Variants in SLC36A4 observed in about 807,000 individuals in gnomAD.
The protein encoded by SLC36A4 is neutral amino acid uniporter 4.
A neutral mutation model predicts 50.5 loss-of-function variants in SLC36A4; 49 were observed. The ratio of observed to expected loss-of-function variants is 0.97; its 90% CI spans 0.77 to 1.23. The LOEUF is 1.23. Among genes scored for constraint, SLC36A4 ranks in the 50% most tolerant of loss-of-function variants. The pLI, the probability that SLC36A4 is intolerant of heterozygous loss-of-function variation, is 0.00. For synonymous variants in SLC36A4, 207 were observed against 206.5 expected, an observed-to-expected ratio of 1.00 and a Z score of -0.02; for missense variants, 611 against 608.4, an observed-to-expected ratio of 1.00 and a Z score of -0.05.
rs79776516 is a variant in SLC36A4 at position 93,156,166 on chromosome 11, T to C, written c.1038-1889A>G. On this transcript the variant is annotated intron_variant, in intron 9 of 10. Coordinates refer to ENST00000326402, the MANE Select transcript of SLC36A4 (RefSeq NM_152313.4). ...GGCATCGCCACACTGTCTTCCACAA[T>C]GTCTTGAACTAACTTATACTCCCAT... is the stretch of plus-strand genomic sequence containing the variant. 5.5e-3 allele frequency among the ~76,000 whole-genome samples: 839 copies of C among 152,340 alleles called. 5 individuals are homozygous for C. The highest frequency in any genetic ancestry group is 6.6e-3 in the Non-Finnish European group (452 of 68,026).
chr11:93,173,268 C>G (rs1238983722), intron 6 of SLC36A4, among the ~76,000 whole-genome samples: 1 of 150,416 alleles, frequency 6.6e-6, no homozygotes, highest in Non-Finnish European at 1.5e-5. Flanking sequence ...CCGTTCATGT[C>G]CTTCGCCCAC....
rs1175758936 is a variant in SLC36A4 at position 93,175,414 on chromosome 11, A to AT, written c.540+5382dup. Among the ~76,000 whole-genome samples, 8 of 150,002 alleles carry AT rather than the reference A, an allele frequency of 5.3e-5. 1 individual carries two copies. Among genetic ancestry groups the AT allele is most frequent in the African/African-American group, 2.0e-4 (8 of 40,952 alleles). On this transcript the variant is annotated intron_variant, in intron 6 of 10. Coordinates refer to ENST00000326402, the MANE Select transcript of SLC36A4 (RefSeq NM_152313.4). Reference sequence around the variant, plus strand: ...AAAAAACCAGCTCCTGGATTCATTGATTTTTTGAAGGGTTTTTTGTGTCTC... The same window carrying AT: ...AAAAAACCAGCTCCTGGATTCATTGATTTTTTTGAAGGGTTTTTTGTGTCTC...
intron 10 of SLC36A4, 65 bp from the exon 11 acceptor site, chr11:93,148,909 G>T: frequency 7.2e-7 from 1 of 1,381,588 alleles, no homozygotes; most frequent in Non-Finnish European, 1.0e-6. Context: ...AATATTAACA[G>T]TAAGTATTTT....
Position 93,182,834 on chromosome 11 carries a change from C to T in SLC36A4, c.331G>A (p.Val111Ile), listed in dbSNP as rs750667860. 5 of 1,612,276 alleles carry T rather than the reference C, an allele frequency of 3.1e-6. No individual in the cohort carries two copies. Among genetic ancestry groups the T allele is most frequent in the Admixed American group, 1.7e-5 (1 of 59,772 alleles). The change falls in exon 4 of 11, where the codon GTA (valine) becomes ATA (isoleucine). Residue 111 changes from valine to isoleucine, a missense_variant. Coordinates refer to ENST00000326402, the MANE Select transcript of SLC36A4 (RefSeq NM_152313.4). ...AGACATAGAAAGTGACTGCAACGTA[C>T]CAATATGTGCATACAGTGAACAGAA... ...IISVHCMHIL[V>I]RCSHFLCLRF...
chr11:93,166,422 T>A, intron 7 of SLC36A4: 2 of 990,976 alleles, frequency 2.0e-6, no homozygotes, highest in Non-Finnish European at 2.4e-6. Flanking sequence ...TCCACTCTAT[T>A]TTTATTGCTC....
At chr11:93,178,176 G>A (rs763581004) in intron 6 of SLC36A4, among the ~76,000 whole-genome samples, 86 of 152,168 alleles carry the variant, frequency 5.7e-4, no homozygotes, top group Non-Finnish European at 8.4e-4. Flanking sequence ...GCGAGGCTTT[G>A]TTGGCGTGGG....
Position 93,154,195 on chromosome 11 carries a change from T to C in SLC36A4, c.1120A>G (p.Ile374Val), listed in dbSNP as rs759718601. ...AATTTGGATGTGATCCCAGGGATAA[T>C]GATCTCTGCTGGAACATAGAACTGA... ...SIQFYVPAEIIIPGITSKFHT... is the reference protein window; with the variant it reads ...SIQFYVPAEIVIPGITSKFHT... Residue 374 changes from isoleucine to valine, a missense_variant, in exon 10 of 11, where the codon ATT becomes GTT. Ile to Val is a conservative substitution (Grantham distance 29). Transcript: ENST00000326402. 2 of 1,564,972 alleles carry C rather than the reference T, an allele frequency of 1.3e-6. No individual in the cohort carries two copies. Among genetic ancestry groups the C allele is most frequent in the Non-Finnish European group, 8.6e-7 (1 of 1,159,210 alleles).
At position 93,147,718 on chromosome 11, in the gene SLC36A4, A is replaced by G. The variant is rs1859893432; in HGVS notation, c.*819T>C. The G allele has an allele frequency of 6.6e-6, 1 of 152,120 alleles. No individual in the cohort carries two copies. The highest frequency in any genetic ancestry group is 6.6e-5 in the Admixed American group (1 of 15,254). 9.4% of individuals were successfully genotyped at this position (152,120 alleles called of 1,614,324 possible). On this transcript the variant is annotated 3_prime_UTR_variant, in exon 11 of 11. Coordinates refer to ENST00000326402, the MANE Select transcript of SLC36A4 (RefSeq NM_152313.4). ...ACATAATTTATTCTTTTTCTTGGACATGATGTGAGAAATAAAACATCCTGG... is the reference window on the plus strand; with the variant it reads ...ACATAATTTATTCTTTTTCTTGGACGTGATGTGAGAAATAAAACATCCTGG...
chr11:93,145,878 T>C lies in SLC36A4; in HGVS notation c.*2659A>G. On this transcript the variant is annotated 3_prime_UTR_variant, in exon 11 of 11. Coordinates refer to ENST00000326402, the MANE Select transcript of SLC36A4 (RefSeq NM_152313.4). Reference sequence around the variant, plus strand: ...TTTACGACTTATTAAAGCTAAATTTTCAGAGAAAAAATTACCCACTGGTTA... The same window carrying C: ...TTTACGACTTATTAAAGCTAAATTTCCAGAGAAAAAATTACCCACTGGTTA... 1 of 152,092 alleles carries C rather than the reference T, an allele frequency of 6.6e-6. No homozygotes were observed. The highest frequency in any genetic ancestry group is 1.5e-5 in the Non-Finnish European group (1 of 67,994). The allele number at this position is 152,092 out of a possible 1,614,324, so 9.4% of individuals were successfully genotyped here.
intron 9 of SLC36A4, among the ~76,000 whole-genome samples, chr11:93,158,949 ACTC>A (rs1247608105): frequency 5.3e-5 from 8 of 152,128 alleles, no homozygotes; most frequent in Non-Finnish European, 7.4e-5. Context: ...GTCTTTTAAA[ACTC>A]CTCGCTGCCA....
At chr11:93,174,657 AG>A (rs1308666950) in intron 6 of SLC36A4, among the ~76,000 whole-genome samples, 2 of 133,150 alleles carry the variant, frequency 1.5e-5, no homozygotes, top group South Asian at 3.0e-4. Flanking sequence ...TTTAGCATGA[AG>A]GGTTGTTGAA....
chr11:93,166,826 T>C (rs544120937), intron 7 of SLC36A4: 12 of 152,180 alleles, frequency 7.9e-5, no homozygotes, highest in African/African-American at 2.9e-4. Flanking sequence ...TAGAGAGATC[T>C]AGAATATCTG....
chr11:93,192,257 C>A (rs1346334230), intron 1 of SLC36A4, among the ~76,000 whole-genome samples: 1 of 152,020 alleles, frequency 6.6e-6, no homozygotes, highest in South Asian at 2.1e-4. Flanking sequence ...GAGTGAGCAG[C>A]GTGGATATCC....
At chr11:93,180,364 G>A (rs1301860483) in intron 6 of SLC36A4, 1 of 978,152 alleles carries the variant, frequency 1.0e-6, no homozygotes, top group Non-Finnish European at 1.2e-6. Flanking sequence ...TTTGGACACA[G>A]TGTCTTTTTA....
chr11:93,181,877 G>A (rs1031153671), intron 4 of SLC36A4, 91 bp from the exon 5 acceptor site: 2 of 1,110,830 alleles, frequency 1.8e-6, no homozygotes, highest in Admixed American at 3.0e-5. Flanking sequence ...AAAATAAATG[G>A]GAATTAATAA....
At position 93,197,796 on chromosome 11, in the gene SLC36A4, C is replaced by T. The variant is rs762021787; in HGVS notation, c.37G>A (p.Ala13Thr). ...CACCGACCTAGCTCCTCGCGCCTCG[C>T]CGCCCCGGCAGCCGCCGGCGTCGCC... Reference protein sequence around the residue: ...AAATPAAAGAARREELDMDVM... With the variant: ...AAATPAAAGATRREELDMDVM... The change falls in exon 1 of 11, where the codon GCG becomes ACG. Residue 13 changes from alanine (A) to threonine (T), a missense_variant. Coordinates refer to ENST00000326402, the MANE Select transcript of SLC36A4 (RefSeq NM_152313.4). 2.5e-6 allele frequency: 4 copies of T among 1,586,326 alleles called. No individual in the cohort carries two copies. The highest frequency in any genetic ancestry group is 3.4e-6 in the Non-Finnish European group (4 of 1,173,648).
intron 1 of SLC36A4, among the ~76,000 whole-genome samples, chr11:93,186,522 TTAA>T (rs1861988701): frequency 6.6e-6 from 1 of 152,182 alleles, no homozygotes; most frequent in African/African-American, 2.4e-5. Context: ...TTTTTCTTAC[TTAA>T]TTTTTTACTA....
At chr11:93,162,926 A>C in intron 8 of SLC36A4, 51 bp from the exon 9 acceptor site, 1 of 1,542,996 alleles carries the variant, frequency 6.5e-7, no homozygotes, top group Non-Finnish European at 8.8e-7. Flanking sequence ...GTATTTAAAA[A>C]TAACAGTGTC....
At chr11:93,164,445 T>C (rs1356044352) in intron 8 of SLC36A4, among the ~76,000 whole-genome samples, 2 of 152,232 alleles carry the variant, frequency 1.3e-5, no homozygotes, top group Admixed American at 1.3e-4. Flanking sequence ...GGAGTGTTTA[T>C]GATATGCCAG....
Sources: gnomAD v4.1 joint callset for allele counts (sites outside exome capture counted in the v4.1 genomes callset) on GRCh38, gnomAD v4.1.1 for gene constraint, MANE v1.5 for transcripts, NCBI Gene and HGNC (gene_info 2026-07-23, HGNC 2026-07-21) for gene names.